DNAJC13: variants seen among roughly 807,000 people sequenced by gnomAD.
The protein encoded by DNAJC13 is DnaJ heat shock protein family (Hsp40) member C13.
DNAJC13 carries 75 observed loss-of-function variants against 290.5 expected under a neutral mutation model. The observed-to-expected ratio is 0.26, with a 90% CI of 0.21 to 0.31. The LOEUF (loss-of-function observed/expected upper bound fraction) is 0.31, where lower values mean the gene tolerates loss of function less well. Among genes scored for constraint, DNAJC13 ranks in the 10% least tolerant of loss-of-function variants. The probability of loss-of-function intolerance (pLI) is 1.00; values close to 1 mark genes in which losing one functional copy is unlikely to be tolerated. For synonymous variants in DNAJC13, 862 were observed against 892.0 expected (o/e 0.97, Z 0.60); for missense variants, 2,260 against 2,674.5 (o/e 0.85, Z 3.42).
chr3:132,525,211 A>G (rs748153043), intron 51 of DNAJC13, among the ~76,000 whole-genome samples: 16 of 152,128 alleles, frequency 1.1e-4, no homozygotes, highest in Non-Finnish European at 1.9e-4. Flanking sequence ...GTGGTGGTGC[A>G]TGCCTGTAAT....
intron 2 of DNAJC13, among the ~76,000 whole-genome samples, chr3:132,444,567 A>G (rs1407601817): frequency 1.3e-5 from 2 of 152,204 alleles, no homozygotes; most frequent in Non-Finnish European, 2.9e-5. Context: ...TTGCTCACAG[A>G]ATAAAATAAA....
At chr3:132,534,250 A>G (rs529392040) in intron 55 of DNAJC13, among the ~76,000 whole-genome samples, 1 of 152,168 alleles carries the variant, frequency 6.6e-6, no homozygotes, top group Non-Finnish European at 1.5e-5. Flanking sequence ...AGCTGTAAGC[A>G]TTGTTGACCC....
In DNAJC13 at chr3:132,480,454, C is replaced by A; in HGVS notation, c.2858C>A (p.Ala953Asp). The A allele has an allele frequency of 6.2e-7, 1 of 1,611,976 alleles. No individual in the cohort carries two copies. Among genetic ancestry groups the A allele is most frequent in the Non-Finnish European group, 8.5e-7 (1 of 1,178,376 alleles). The change falls in exon 26 of 56, where the codon GCT (alanine) becomes GAT (aspartate). Residue 953 changes from alanine to aspartate, a missense_variant. This residue lies in a region of DNAJC13 where 1,494 missense variants were observed against 1,693.7 expected (regional missense o/e 0.88). Transcript: ENST00000260818. ...CTTGCACATCTCCATGTAAGCCGAG[C>A]TACAGTACCACTGCAAGTACGTATC... ...LTLAHLHVSR[A>D]TVPLQSNVIE...
chr3:132,523,469 T>C (rs1436528673), intron 50 of DNAJC13, 71 bp from the exon 51 acceptor site: 1 of 1,496,214 alleles, frequency 6.7e-7, no homozygotes, highest in African/African-American at 1.4e-5. Context: ...TAAACAATTC[T>C]TTAATATGGT....
In DNAJC13 at chr3:132,518,183, C is replaced by T. The variant is rs562690216; in HGVS notation, c.5673+1367C>T. ...ATTAACTCGTCAATAGTGTTTTAGA[C>T]GCTTAAGTATGTACTGGAATTGACT... On this transcript the variant is annotated intron_variant, in intron 48 of 55. Transcript: ENST00000260818. Among the ~76,000 whole-genome samples, 10 of 152,218 alleles carry T rather than the reference C, an allele frequency of 6.6e-5. No homozygotes were observed. The East Asian group carries it at 1.4e-3, about 21-fold the overall frequency.
chr3:132,418,825 A>G (rs1303329135), intron 1 of DNAJC13, among the ~76,000 whole-genome samples: 1 of 152,210 alleles, frequency 6.6e-6, no homozygotes, highest in African/African-American at 2.4e-5. Context: ...GTTTGAAACT[A>G]CTGCCTGCAG....
chr3:132,489,768 A>G (rs1490750184), intron 31 of DNAJC13, among the ~76,000 whole-genome samples: 1 of 152,106 alleles, frequency 6.6e-6, no homozygotes. Context: ...AAAGTAACCC[A>G]TTTGTCTAAT....
At position 132,450,630 on chromosome 3, in the gene DNAJC13, A is replaced by G; in HGVS notation, c.337-17A>G. ...TTTATTTTATGAACCTAAAAGTAAT[A>G]CTGATTCTGTCTTTAGAGATACAAC... On this transcript the variant is annotated splice_polypyrimidine_tract_variant and intron_variant, in intron 5 of 55. Transcript: ENST00000260818. 8.3e-6 allele frequency: 13 copies of G among 1,575,008 alleles called. No individual in the cohort carries two copies. The highest frequency in any genetic ancestry group is 1.1e-5 in the Non-Finnish European group (13 of 1,150,730).
chr3:132,531,718 A>T (rs1459336473), intron 55 of DNAJC13, among the ~76,000 whole-genome samples: 1 of 151,152 alleles, frequency 6.6e-6, no homozygotes, highest in African/African-American at 2.4e-5. Flanking sequence ...AATGGTGGGA[A>T]CCCGGGAGGC....
At chr3:132,463,553 TG>T in intron 16 of DNAJC13, 142 bp from the exon 17 acceptor site, 1 of 849,372 alleles carries the variant, frequency 1.2e-6, no homozygotes. Flanking sequence ...TATTTTTTTT[TG>T]GGTGATTAGA....
rs375625047 is a variant in DNAJC13 at position 132,428,611 on chromosome 3, A to G, written c.-13-5927A>G. Among the ~76,000 whole-genome samples, 344 of 152,152 alleles carry G rather than the reference A, an allele frequency of 2.3e-3. 1 individual carries two copies. Among genetic ancestry groups the G allele is most frequent in the Non-Finnish European group, 4.0e-3 (270 of 67,976 alleles). The stretch of plus-strand genomic sequence containing the variant: ...AGGCATGAGACATGGTGCCTAGCCA[A>G]TCTGGTTATTTTAAAAGCTCGATGT... On this transcript the variant is annotated intron_variant, in intron 1 of 55. Coordinates refer to ENST00000260818, the MANE Select transcript of DNAJC13 (RefSeq NM_015268.4).
At chr3:132,485,966 G>A (rs4854645) in intron 29 of DNAJC13, among the ~76,000 whole-genome samples, 93,435 of 151,828 alleles carry the variant, frequency 0.62, 31,588 homozygotes, top group East Asian at 0.9. Context: ...TTGGTCTGCA[G>A]TGGGAAAGAA....
In DNAJC13 at chr3:132,538,263, A is replaced by C. The variant is rs1430774089; in HGVS notation, c.6713A>C (p.Asp2238Ala). The C allele has an allele frequency of 6.2e-7, 1 of 1,613,608 alleles. No homozygotes were observed. The highest frequency in any genetic ancestry group is 1.3e-5 in the African/African-American group (1 of 74,914). The stretch of plus-strand genomic sequence containing the variant: ...CCTCCTGTAGACCATGAGGCAGGCG[A>C]CCTTGGCTATCAGACTTGAAATATT... ...LPPPVDHEAG[D>A]LGYQT Residue 2238 changes from aspartate (D) to alanine (A), a missense_variant, in exon 56 of 56, where the codon GAC (aspartate) becomes GCC (alanine). This residue lies in a region of DNAJC13 where 1,494 missense variants were observed against 1,693.7 expected (regional missense o/e 0.88). Coordinates refer to ENST00000260818, the MANE Select transcript of DNAJC13 (RefSeq NM_015268.4).
At chr3:132,513,160 G>A in intron 45 of DNAJC13, 61 bp downstream of exon 45, 2 of 1,337,088 alleles carry the variant, frequency 1.5e-6, no homozygotes, top group Non-Finnish European at 2.2e-6. Flanking sequence ...TGTAATTTGA[G>A]TCTCTATCAG....
intron 20 of DNAJC13, 171 bp downstream of exon 20, chr3:132,467,484 G>T: frequency 1.6e-6 from 1 of 610,034 alleles, no homozygotes; most frequent in Non-Finnish European, 2.6e-6. Context: ...TATTTATTTT[G>T]AGACAGAGCC....
At position 132,436,137 on chromosome 3, in the gene DNAJC13, T is replaced by A. The variant is rs576853843; in HGVS notation, c.68+1519T>A. On this transcript the variant is annotated intron_variant, in intron 2 of 55. Coordinates refer to ENST00000260818, the MANE Select transcript of DNAJC13 (RefSeq NM_015268.4). ...TCATAAAGTTGTAAACCATCATCAC[T>A]GTTTTGAGAACACTTTCATCACCTC... is the stretch of plus-strand genomic sequence containing the variant. Among the ~76,000 whole-genome samples the A allele has an allele frequency of 1.4e-4, 21 of 152,326 alleles. 1 individual carries two copies. The South Asian group carries it at 4.4e-3, about 32-fold the overall frequency.
chr3:132,444,088 G>A (rs1933166392), intron 2 of DNAJC13, among the ~76,000 whole-genome samples: 1 of 152,130 alleles, frequency 6.6e-6, no homozygotes, highest in East Asian at 1.9e-4. Context: ...GGTAGGCGGT[G>A]GGCAAGCGAG....
intron 9 of DNAJC13, 100 bp downstream of exon 9, chr3:132,454,257 C>A: frequency 2.1e-4 from 139 of 667,598 alleles, no homozygotes; most frequent in East Asian, 3.5e-4. Flanking sequence ...AATTTAAAAT[C>A]ATTTAATTTG....
chr3:132,512,901 T>A, intron 44 of DNAJC13, 107 bp from the exon 45 acceptor site: 1 of 907,990 alleles, frequency 1.1e-6, no homozygotes, highest in South Asian at 1.5e-5. Flanking sequence ...TAGAACCAGT[T>A]ATCAGAGACT....
Sources: gnomAD v4.1 joint callset for allele counts (sites outside exome capture counted in the v4.1 genomes callset) on GRCh38, gnomAD v4.1.1 for gene constraint, gnomAD v4.1.1 regional missense constraint, MANE v1.5 for transcripts, NCBI Gene and HGNC (gene_info 2026-07-23, HGNC 2026-07-21) for gene names.